Variants in CCDC60 observed in about 807,000 individuals in gnomAD.
CCDC60 encodes coiled-coil domain-containing protein 60.
In CCDC60, 54 loss-of-function variants were observed where a neutral mutation model predicts 63.5. The observed-to-expected ratio is 0.85, with a 90% CI of 0.68 to 1.07. The LOEUF is 1.07. CCDC60 is among the 50% of genes least tolerant of loss of function. The pLI is 0.00. For missense variants in CCDC60, 651 were observed against 684.3 expected (o/e 0.95, Z 0.54); for synonymous variants, 206 against 238.8 (o/e 0.86, Z 1.27).
In CCDC60 at chr12:119,479,995, TACACACACACAC is replaced by T. The variant is rs56080581; in HGVS notation, c.449+833_449+844del. ...GTGCATGAGCCCCCACCGTACATCATACACACACACACACACACACACACACACACACACACA... is the reference window on the plus strand; with the variant it reads ...GTGCATGAGCCCCCACCGTACATCATACACACACACACACACACACACACA... On this transcript the variant is annotated intron_variant, in intron 4 of 13. Transcript: ENST00000327554. 1.3e-3 allele frequency among the ~76,000 whole-genome samples: 154 copies of T among 122,070 alleles called. 1 individual carries two copies. The highest frequency in any genetic ancestry group is 3.7e-3 in the African/African-American group (120 of 32,224). The allele number at this position is 122,070 out of a possible 152,430, so 80.1% of individuals were successfully genotyped here. A position where few individuals can be genotyped will look rare whatever the true frequency, so the allele number is the denominator to read the frequency against.
chr12:119,432,666 AG>A (rs951095568), intron 2 of CCDC60, among the ~76,000 whole-genome samples: 1 of 152,222 alleles, frequency 6.6e-6, no homozygotes, highest in African/African-American at 2.4e-5. Context: ...ACTCAGCCTA[AG>A]GAGGGCGACA....
intron 2 of CCDC60, among the ~76,000 whole-genome samples, chr12:119,467,390 C>T (rs1451030030): frequency 6.6e-6 from 1 of 152,228 alleles, no homozygotes; most frequent in Middle Eastern, 3.2e-3. Flanking sequence ...TCCTTACCCA[C>T]CTCCCAATAT....
At chr12:119,473,456 A>AT (rs974410229) in intron 3 of CCDC60, among the ~76,000 whole-genome samples, 11 of 151,784 alleles carry the variant, frequency 7.2e-5, no homozygotes, top group South Asian at 4.2e-4. Flanking sequence ...TCATAGATTA[A>AT]TTTTTTTTTA....
At chr12:119,364,108 CTTTAATT>C (rs1955817389) in intron 1 of CCDC60, among the ~76,000 whole-genome samples, 1 of 152,182 alleles carries the variant, frequency 6.6e-6, no homozygotes, top group Non-Finnish European at 1.5e-5. Context: ...TGAAAACAAG[CTTTAATT>C]TGGGGCGGTT....
At chr12:119,430,667 C>CAA (rs57881806) in intron 2 of CCDC60, among the ~76,000 whole-genome samples, 4 of 106,040 alleles carry the variant, frequency 3.8e-5, no homozygotes, top group African/African-American at 7.6e-5. Context: ...ACTCTGTCTC[C>CAA]AAAAAAAAAA....
At chr12:119,386,041 A>G (rs1340702393) in intron 1 of CCDC60, among the ~76,000 whole-genome samples, 1 of 152,240 alleles carries the variant, frequency 6.6e-6, no homozygotes, top group Non-Finnish European at 1.5e-5. Context: ...CTCCTAGAAG[A>G]ATTTCCAGCA....
chr12:119,537,832 C>A (rs1953049382), intron 13 of CCDC60, among the ~76,000 whole-genome samples: 2 of 152,148 alleles, frequency 1.3e-5, no homozygotes, highest in Admixed American at 1.3e-4. Context: ...GTCAGTTGGC[C>A]CCTACTGGGA....
At chr12:119,483,053 A>G (rs571656440) in intron 4 of CCDC60, among the ~76,000 whole-genome samples, 1 of 152,130 alleles carries the variant, frequency 6.6e-6, no homozygotes, top group Admixed American at 6.5e-5. Context: ...TGCATTTTCC[A>G]TCTGTGAACT....
chr12:119,349,335 TC>T (rs1955630433), intron 1 of CCDC60, among the ~76,000 whole-genome samples: 2 of 146,870 alleles, frequency 1.4e-5, no homozygotes, highest in African/African-American at 5.0e-5. Flanking sequence ...CAGGGCGTGT[TC>T]CTTTTTTTTT....
chr12:119,392,424 G>A (rs887578126), intron 1 of CCDC60, among the ~76,000 whole-genome samples: 6 of 152,172 alleles, frequency 3.9e-5, no homozygotes, highest in African/African-American at 1.4e-4. Flanking sequence ...CTGAGAGTTT[G>A]GAATTATGGC....
At chr12:119,444,428 G>A (rs140456800) in intron 2 of CCDC60, among the ~76,000 whole-genome samples, 45 of 152,214 alleles carry the variant, frequency 3.0e-4, no homozygotes, top group Middle Eastern at 3.4e-3. Context: ...CATCATAAGG[G>A]CCATTTCTTT....
Position 119,523,744 on chromosome 12 carries a change from C to A in CCDC60, c.1155C>A (p.Thr385=), listed in dbSNP as rs913306726. ...ACTACAAGAGTGGGGTGTGTAACAC[C>A]ATGAGGGCCAAGTTTTACAGCGTAG... ...NIHYKSGVCN[T]MRAKFYSVAQ... Residue 385 remains threonine, a synonymous_variant, in exon 11 of 14, where the codon ACC becomes ACA. Coordinates refer to ENST00000327554, the MANE Select transcript of CCDC60 (RefSeq NM_178499.5). The A allele has an allele frequency of 9.9e-6, 16 of 1,614,216 alleles. No individual in the cohort carries two copies. Among genetic ancestry groups the A allele is most frequent in the Non-Finnish European group, 1.4e-5 (16 of 1,180,024 alleles).
At chr12:119,345,503 A>AAAATAAATAAATAAAT (rs71072508) in intron 1 of CCDC60, among the ~76,000 whole-genome samples, 8,330 of 150,398 alleles carry the variant, frequency 0.055, 306 homozygotes, top group Non-Finnish European at 0.08. Context: ...CTCCATCTCA[A>AAAATAAATAAATAAAT]AAATAAATAA....
chr12:119,453,727 G>A (rs1950675408), intron 2 of CCDC60, among the ~76,000 whole-genome samples: 6 of 152,144 alleles, frequency 3.9e-5, no homozygotes. Flanking sequence ...CAAGAAAGTT[G>A]TACCAGAAGG....
At chr12:119,407,862 G>C in intron 1 of CCDC60, among the ~76,000 whole-genome samples, 1 of 152,140 alleles carries the variant, frequency 6.6e-6, no homozygotes, top group South Asian at 2.1e-4. Context: ...TTAAGTCTGT[G>C]CTTTTCAATA....
chr12:119,349,163 TG>T (rs1221429461), intron 1 of CCDC60, among the ~76,000 whole-genome samples: 1 of 152,018 alleles, frequency 6.6e-6, no homozygotes, highest in Non-Finnish European at 1.5e-5. Context: ...GACTTTTTAC[TG>T]GGGGTGGGTG....
intron 1 of CCDC60, among the ~76,000 whole-genome samples, chr12:119,398,043 CG>C (rs1168299376): frequency 1.1e-4 from 3 of 26,718 alleles, no homozygotes; most frequent in Admixed American, 6.0e-4. Context: ...GAAGGGGCAG[CG>C]GGGGGGGAGG....
chr12:119,463,300 C>T (rs1295479646), intron 2 of CCDC60, among the ~76,000 whole-genome samples: 1 of 152,204 alleles, frequency 6.6e-6, no homozygotes, highest in African/African-American at 2.4e-5. Context: ...ATGGAAACTT[C>T]AAGATCAAGG....
chr12:119,370,431 C>T (rs750392486), intron 1 of CCDC60, among the ~76,000 whole-genome samples: 2 of 152,206 alleles, frequency 1.3e-5, no homozygotes, highest in Non-Finnish European at 2.9e-5. Context: ...AGAAGTGCCT[C>T]GCAAAGGTGA....
Sources: gnomAD v4.1 joint callset for allele counts (sites outside exome capture counted in the v4.1 genomes callset) on GRCh38, gnomAD v4.1.1 for gene constraint, MANE v1.5 for transcripts, NCBI Gene and HGNC (gene_info 2026-07-23, HGNC 2026-07-21) for gene names.